PITPNA: variants seen among roughly 807,000 people sequenced by gnomAD.
PITPNA encodes the protein phosphatidylinositol transfer protein alpha.
A neutral mutation model predicts 50.3 loss-of-function variants in PITPNA; 13 were observed. The ratio of observed to expected loss-of-function variants is 0.26; its 90% CI spans 0.17 to 0.41. The LOEUF (loss-of-function observed/expected upper bound fraction) is 0.41, where lower values mean the gene tolerates loss of function less well. PITPNA is among the 10% of genes least tolerant of loss of function. The pLI is 1.00. For missense variants in PITPNA, 207 were observed against 333.4 expected (o/e 0.62, Z 2.95); for synonymous variants, 120 against 119.6 (o/e 1.00, Z -0.02).
At chr17:1,555,553 C>T (rs1172624421) in intron 2 of PITPNA, among the ~76,000 whole-genome samples, 2 of 152,170 alleles carry the variant, frequency 1.3e-5, no homozygotes, top group Admixed American at 1.3e-4. Context: ...CGATGATGTT[C>T]CTTGCTCTTG....
intron 1 of PITPNA, among the ~76,000 whole-genome samples, chr17:1,560,984 C>A (rs560437324): frequency 1.3e-5 from 2 of 152,124 alleles, no homozygotes; most frequent in African/African-American, 4.8e-5. Context: ...GGTCAAAGTG[C>A]GATCGCTGAC....
intron 4 of PITPNA, among the ~76,000 whole-genome samples, chr17:1,543,335 C>T (rs35611609): frequency 9.6e-4 from 146 of 152,254 alleles, no homozygotes; most frequent in Non-Finnish European, 1.8e-3. Context: ...GCAGAGGTGC[C>T]GCAACTCATC....
At chr17:1,524,682 C>T (rs1167551690) in intron 10 of PITPNA, among the ~76,000 whole-genome samples, 1 of 151,876 alleles carries the variant, frequency 6.6e-6, no homozygotes, top group African/African-American at 2.4e-5. Context: ...CCCATCTCTA[C>T]TAAAAATACA....
intron 10 of PITPNA, among the ~76,000 whole-genome samples, chr17:1,524,233 A>G (rs538614515): frequency 6.0e-5 from 9 of 149,338 alleles, no homozygotes; most frequent in East Asian, 4.0e-4. Flanking sequence ...TTTAGTAGAG[A>G]CGGGGTTTCA....
intron 1 of PITPNA, among the ~76,000 whole-genome samples, chr17:1,561,521 C>A (rs976475056): frequency 1.3e-5 from 2 of 152,054 alleles, no homozygotes; most frequent in African/African-American, 4.8e-5. Flanking sequence ...GGCAGGTATA[C>A]TCATCCCAAC....
chr17:1,529,724 G>A (rs149308881), intron 10 of PITPNA, among the ~76,000 whole-genome samples: 6,732 of 151,714 alleles, frequency 0.044, 518 homozygotes, highest in African/African-American at 0.15. Context: ...GCGTGGTGGC[G>A]GGCACCTGTA....
In PITPNA at chr17:1,517,902, C is replaced by T. The variant is rs2075474980; in HGVS notation, c.*2659G>A. 6.6e-6 allele frequency: 1 copy of T among 152,570 alleles called. No individual in the cohort carries two copies. The highest frequency in any genetic ancestry group is 2.4e-5 in the African/African-American group (1 of 41,432). The allele number at this position is 152,570 out of a possible 1,614,324, so 9.5% of individuals were successfully genotyped here. On this transcript the variant is annotated 3_prime_UTR_variant, in exon 12 of 12. Transcript: ENST00000313486. ...CACACCTTTGTACCTCTTCCTAATC[C>T]TGCCCTGGTAAAATGGCGGTTATCA... is the stretch of plus-strand genomic sequence containing the variant.
At position 1,520,473 on chromosome 17, in the gene PITPNA, G is replaced by A. The variant is rs901960010; in HGVS notation, c.*88C>T. 6.5e-6 allele frequency: 1 copy of A among 152,692 alleles called. No individual in the cohort carries two copies. Among genetic ancestry groups the A allele is most frequent in the Admixed American group, 6.5e-5 (1 of 15,284 alleles). 9.5% of individuals were successfully genotyped at this position (152,692 alleles called of 1,614,324 possible). Reference sequence around the variant, plus strand: ...GAATGGGCACAGAACGGCTGCGTCCGAAAATGGCCTGTCACTTGGGAGGGT... The same window carrying A: ...GAATGGGCACAGAACGGCTGCGTCCAAAAATGGCCTGTCACTTGGGAGGGT... On this transcript the variant is annotated 3_prime_UTR_variant, in exon 12 of 12. Transcript: ENST00000313486.
Position 1,517,942 on chromosome 17 carries a change from A to G in PITPNA, c.*2619T>C, listed in dbSNP as rs1203336157. 1 of 152,612 alleles carries G rather than the reference A, an allele frequency of 6.6e-6. No homozygotes were observed. Among genetic ancestry groups the G allele is most frequent in the African/African-American group, 2.4e-5 (1 of 41,442 alleles). 9.5% of individuals were successfully genotyped at this position (152,612 alleles called of 1,614,324 possible). A position where few individuals can be genotyped will look rare whatever the true frequency, so the allele number is the denominator to read the frequency against. Reference sequence around the variant, plus strand: ...GGCGGTTATCAGTGCAAGTTTGAGGATACATACAGCTGGAAAATGGACATC... The same window carrying G: ...GGCGGTTATCAGTGCAAGTTTGAGGGTACATACAGCTGGAAAATGGACATC... On this transcript the variant is annotated 3_prime_UTR_variant, in exon 12 of 12. Transcript: ENST00000313486.
chr17:1,523,097 G>A (rs1383628611), intron 10 of PITPNA, among the ~76,000 whole-genome samples: 4 of 152,170 alleles, frequency 2.6e-5, no homozygotes, highest in Non-Finnish European at 4.4e-5. Flanking sequence ...CTGGAAAACA[G>A]GATGGGGGCT....
rs750487962 is a variant in PITPNA at position 1,548,396 on chromosome 17, G to A, written c.198-9C>T. On this transcript the variant is annotated splice_polypyrimidine_tract_variant and intron_variant, in intron 3 of 11. Transcript: ENST00000313486. Reference sequence around the variant, plus strand: ...CAAACGTGGGTACTTTGCTATAGCGGGGAAAAAAAGGGGTATAAAGAGAAA... The same window carrying A: ...CAAACGTGGGTACTTTGCTATAGCGAGGAAAAAAAGGGGTATAAAGAGAAA... The A allele has an allele frequency of 1.3e-6, 2 of 1,561,364 alleles. No homozygotes were observed. The highest frequency in any genetic ancestry group is 1.4e-5 in the African/African-American group (1 of 72,484).
In PITPNA at chr17:1,562,474, G is replaced by T; in HGVS notation, c.20+67C>A. On this transcript the variant is annotated intron_variant, in intron 1 of 11. Coordinates refer to ENST00000313486, the MANE Select transcript of PITPNA (RefSeq NM_006224.4). The surrounding 1 kb of genome is among the most constrained non-coding windows in gnomAD (Gnocchi z 6.4). ...ATCCGGGCCCTGCGTCCCTCGCCGC[G>T]CCGTCGCCCCGGCGGCCGTCCCCAC... 1.5e-6 allele frequency: 2 copies of T among 1,308,102 alleles called. No homozygotes were observed. The highest frequency in any genetic ancestry group is 2.0e-6 in the Non-Finnish European group (2 of 991,756). 81.0% of individuals were successfully genotyped at this position (1,308,102 alleles called of 1,614,324 possible). A position where few individuals can be genotyped will look rare whatever the true frequency, so the allele number is the denominator to read the frequency against.
intron 3 of PITPNA, among the ~76,000 whole-genome samples, chr17:1,550,347 G>A (rs372421867): frequency 9.2e-5 from 14 of 152,184 alleles, no homozygotes; most frequent in African/African-American, 1.9e-4. Context: ...GCAGTGCACC[G>A]GGCAGGCTCT....
intron 9 of PITPNA, among the ~76,000 whole-genome samples, chr17:1,534,914 T>G (rs1169724054): frequency 6.6e-6 from 1 of 152,260 alleles, no homozygotes; most frequent in Non-Finnish European, 1.5e-5. Context: ...TATGCTCATG[T>G]TGGCAACCCT....
intron 10 of PITPNA, among the ~76,000 whole-genome samples, chr17:1,523,836 G>A (rs903897343): frequency 6.6e-6 from 1 of 151,406 alleles, no homozygotes; most frequent in East Asian, 1.9e-4. Context: ...TTTTTTCGGT[G>A]TGTGTGGGGA....
intron 4 of PITPNA, among the ~76,000 whole-genome samples, chr17:1,547,891 G>A (rs1171259749): frequency 6.6e-6 from 1 of 152,052 alleles, no homozygotes; most frequent in African/African-American, 2.4e-5. Context: ...CTACTCGGGA[G>A]GCTGAGGCAG....
At chr17:1,548,530 C>A (rs949706458) in intron 3 of PITPNA, 143 bp from the exon 4 acceptor site, 1 of 592,292 alleles carries the variant, frequency 1.7e-6, no homozygotes, top group Non-Finnish European at 2.9e-6. Context: ...TGAGAAGTTA[C>A]GTATGAGAGC....
At chr17:1,544,294 GA>G (rs2075662322) in intron 4 of PITPNA, among the ~76,000 whole-genome samples, 1 of 152,328 alleles carries the variant, frequency 6.6e-6, no homozygotes, top group South Asian at 2.1e-4. Context: ...CATCGAATGG[GA>G]ATGTCCCGTT....
At chr17:1,560,847 A>C (rs898283270) in intron 1 of PITPNA, among the ~76,000 whole-genome samples, 5 of 152,200 alleles carry the variant, frequency 3.3e-5, no homozygotes, top group African/African-American at 9.7e-5. Context: ...TGAGGCCTCA[A>C]AATAATGCTC....
Sources: gnomAD v4.1 joint callset for allele counts (sites outside exome capture counted in the v4.1 genomes callset) on GRCh38, gnomAD v4.1.1 for gene constraint, Gnocchi (gnomAD v3.1) non-coding constraint, MANE v1.5 for transcripts, NCBI Gene and HGNC (gene_info 2026-07-23, HGNC 2026-07-21) for gene names.